The following ANGPT2 variants were observed in gnomAD, a reference collection of about 807,000 sequenced individuals.
ANGPT2 encodes the protein angiopoietin-2.
ANGPT2 carries 28 observed loss-of-function variants against 62.9 expected under a neutral mutation model. The ratio of observed to expected loss-of-function variants is 0.44; its 90% CI spans 0.33 to 0.61. The LOEUF is 0.61. Among genes scored for constraint, ANGPT2 ranks in the 20% least tolerant of loss-of-function variants. The pLI is 0.03. For missense variants in ANGPT2, 727 were observed against 594.9 expected (o/e 1.22, Z -2.31); for synonymous variants, 284 against 207.8 (o/e 1.37, Z -3.15).
At chr8:6,511,863 T>C (rs2922905) in intron 7 of ANGPT2, among the ~76,000 whole-genome samples, 65,772 of 151,228 alleles carry the variant, frequency 0.43, 14,565 homozygotes, top group Middle Eastern at 0.53. Context: ...TAAAAATCTT[T>C]TTATACAAAC....
chr8:6,554,984 A>G (rs909595410), intron 1 of ANGPT2, among the ~76,000 whole-genome samples: 5 of 152,224 alleles, frequency 3.3e-5, no homozygotes, highest in African/African-American at 7.2e-5. Context: ...GTCGGATGGC[A>G]CACCTGACCT....
chr8:6,545,744 T>C (rs1346187168), intron 1 of ANGPT2, among the ~76,000 whole-genome samples: 3 of 152,224 alleles, frequency 2.0e-5, no homozygotes, highest in Admixed American at 6.5e-5. Context: ...TTTTGTTGGA[T>C]TTCAGTGGCT....
intron 3 of ANGPT2, among the ~76,000 whole-genome samples, chr8:6,527,001 A>C (rs1818460530): frequency 6.6e-6 from 1 of 152,194 alleles, no homozygotes. Flanking sequence ...TTGGATCATA[A>C]AATGTGCATT....
At position 6,527,562 on chromosome 8, in the gene ANGPT2, T is replaced by A; in HGVS notation, c.559A>T (p.Lys187Ter). 1 of 1,613,798 alleles carries A rather than the reference T, an allele frequency of 6.2e-7. No individual in the cohort carries two copies. Among genetic ancestry groups the A allele is most frequent in the South Asian group, 1.1e-5 (1 of 91,046 alleles). The change falls in exon 3 of 9, where the codon AAG becomes TAG. Residue 187 changes from lysine to a stop codon, truncating the protein, a stop_gained. Coordinates refer to ENST00000629816, the MANE Select transcript of ANGPT2 (RefSeq NM_001118887.2). LOFTEE classifies it high-confidence loss of function. ...QTSEINKLQDKNSFLEKKVLA... is the reference protein window; with the variant it reads ...QTSEINKLQD ...TTTTAGTACTGTTATTACCTGTTCT[T>A]ATCTTGCAATTTGTTTATTTCACTG... is the stretch of plus-strand genomic sequence containing the variant.
intron 1 of ANGPT2, among the ~76,000 whole-genome samples, chr8:6,535,818 C>T (rs557315442): frequency 2.0e-5 from 3 of 151,198 alleles, no homozygotes; most frequent in African/African-American, 7.3e-5. Context: ...GAGGCCGAGG[C>T]AGGAGGATTG....
At position 6,501,214 on chromosome 8, in the gene ANGPT2, G is replaced by A. The variant is rs1359417221; in HGVS notation, c.*1887C>T. 3 of 152,176 alleles carry A rather than the reference G, an allele frequency of 2.0e-5. No individual in the cohort carries two copies. The highest frequency in any genetic ancestry group is 4.4e-5 in the Non-Finnish European group (3 of 68,022). 9.4% of individuals were successfully genotyped at this position (152,176 alleles called of 1,614,324 possible). A position where few individuals can be genotyped will look rare whatever the true frequency, so the allele number is the denominator to read the frequency against. ...AGAGTCCATCATTGACTCCAAATAT[G>A]TAGCAACACCTGTGTGTTCTAAAAC... On this transcript the variant is annotated 3_prime_UTR_variant, in exon 9 of 9. Coordinates refer to ENST00000629816, the MANE Select transcript of ANGPT2 (RefSeq NM_001118887.2).
chr8:6,527,899 A>ATTT (rs71213313), intron 2 of ANGPT2, among the ~76,000 whole-genome samples: 13 of 133,118 alleles, frequency 9.8e-5, no homozygotes, highest in African/African-American at 1.6e-4. Flanking sequence ...CCACGTCTCT[A>ATTT]TTTTTTTTTT....
chr8:6,548,762 G>A (rs1276602370), intron 1 of ANGPT2, among the ~76,000 whole-genome samples: 1 of 152,136 alleles, frequency 6.6e-6, no homozygotes, highest in Non-Finnish European at 1.5e-5. Context: ...TGATGATGCT[G>A]GAAAAAAAGA....
chr8:6,542,314 CTGTG>C (rs373716411), intron 1 of ANGPT2, among the ~76,000 whole-genome samples: 2 of 150,680 alleles, frequency 1.3e-5, no homozygotes, highest in Non-Finnish European at 3.0e-5. Flanking sequence ...GTGTGTGTAT[CTGTG>C]TGTGTGTGTA....
At chr8:6,540,108 C>T (rs1056803800) in intron 1 of ANGPT2, among the ~76,000 whole-genome samples, 4 of 152,168 alleles carry the variant, frequency 2.6e-5, no homozygotes, top group Non-Finnish European at 4.4e-5. Flanking sequence ...TTGAGTGTAC[C>T]AGAATGTCTG....
chr8:6,557,576 C>T (rs1824837227), intron 1 of ANGPT2, among the ~76,000 whole-genome samples: 1 of 152,000 alleles, frequency 6.6e-6, no homozygotes, highest in South Asian at 2.1e-4. Flanking sequence ...TCTAGATGGG[C>T]CCTGTTTAAT....
intron 2 of ANGPT2, among the ~76,000 whole-genome samples, chr8:6,528,957 A>G (rs1012179503): frequency 6.6e-6 from 1 of 152,228 alleles, no homozygotes; most frequent in Non-Finnish European, 1.5e-5. Context: ...AACACCTGGA[A>G]TATACATTTG....
chr8:6,526,554 G>C (rs1322945187), intron 3 of ANGPT2, among the ~76,000 whole-genome samples: 2 of 152,058 alleles, frequency 1.3e-5, no homozygotes, highest in African/African-American at 4.8e-5. Context: ...AAAAATATTT[G>C]AATTTTAAAA....
At chr8:6,521,451 A>C in intron 3 of ANGPT2, 41 bp from the exon 4 acceptor site, 2 of 1,360,906 alleles carry the variant, frequency 1.5e-6, no homozygotes. Flanking sequence ...AGGCTATTCT[A>C]ATGAAATATT....
intron 1 of ANGPT2, among the ~76,000 whole-genome samples, chr8:6,540,049 T>C (rs1186171927): frequency 3.9e-5 from 6 of 152,204 alleles, no homozygotes; most frequent in African/African-American, 1.4e-4. Flanking sequence ...CATTCTAACA[T>C]TAATAGTCCA....
rs200032430 is a variant in ANGPT2 at position 6,562,610 on chromosome 8, T to C, written c.288+37A>G. On this transcript the variant is annotated intron_variant, in intron 1 of 8. Transcript: ENST00000629816. ...TGAGCTGCTGCCAAGCTGATCTTAA[T>C]AGCATGTTCACAAAGACAGATGGAT... 23 of 1,068,632 alleles carry C rather than the reference T, an allele frequency of 2.2e-5. No homozygotes were observed. In the East Asian group the frequency reaches 8.0e-4, roughly 37 times the overall value. The allele number at this position is 1,068,632 out of a possible 1,614,324, so 66.2% of individuals were successfully genotyped here.
chr8:6,542,626 G>A (rs544276637), intron 1 of ANGPT2, among the ~76,000 whole-genome samples: 5 of 151,848 alleles, frequency 3.3e-5, no homozygotes, highest in Admixed American at 2.6e-4. Context: ...TGTCTGAGGA[G>A]CATTAACATT....
chr8:6,526,495 C>G (rs2129570548), intron 3 of ANGPT2, among the ~76,000 whole-genome samples: 1 of 151,890 alleles, frequency 6.6e-6, no homozygotes, highest in Admixed American at 6.6e-5. Context: ...AATGATTGGT[C>G]TCAAATGTTC....
chr8:6,523,684 G>C (rs1586348723), intron 3 of ANGPT2, among the ~76,000 whole-genome samples: 1 of 152,264 alleles, frequency 6.6e-6, no homozygotes, highest in Admixed American at 6.5e-5. Context: ...CCGCCTCCCG[G>C]ATTCAAGCAG....
Sources: allele counts gnomAD v4.1 joint callset (sites outside exome capture counted in the v4.1 genomes callset), GRCh38; gene constraint gnomAD v4.1.1; transcripts MANE v1.5; gene names NCBI Gene and HGNC (gene_info 2026-07-23, HGNC 2026-07-21).